Variants in COL13A1 observed in about 807,000 individuals in gnomAD.
COL13A1 encodes the protein collagen alpha-1(XIII) chain.
COL13A1 carries 89 observed loss-of-function variants against 130.9 expected under a neutral mutation model. That is an observed-to-expected ratio of 0.68 (90% CI 0.57 to 0.81). The LOEUF (loss-of-function observed/expected upper bound fraction) is 0.81. Ranked by LOEUF, COL13A1 falls within the 30% of genes least tolerant of loss-of-function variation. The probability of loss-of-function intolerance (pLI) is 0.00; values close to 1 mark genes in which losing one functional copy is unlikely to be tolerated. For missense variants in COL13A1, 879 were observed against 934.6 expected (o/e 0.94, Z 0.78); for synonymous variants, 402 against 341.6 (o/e 1.18, Z -1.95).
Position 69,888,783 on chromosome 10 carries a change from G to A in COL13A1, c.576+453G>A, listed in dbSNP as rs143735243. Among the ~76,000 whole-genome samples, 6 of 152,318 alleles carry A rather than the reference G, an allele frequency of 3.9e-5. No individual in the cohort carries two copies. In the East Asian group the frequency reaches 7.7e-4, roughly 20 times the overall value. On this transcript the variant is annotated intron_variant, in intron 9 of 40. Transcript: ENST00000645393. Reference sequence around the variant, plus strand: ...ACCCCACACGTGTGCTCAAGTCCACGTGGAGACTGCTTCCCACCATAGCTC... The same window carrying A: ...ACCCCACACGTGTGCTCAAGTCCACATGGAGACTGCTTCCCACCATAGCTC...
chr10:69,895,011 G>A (rs374077870), intron 12 of COL13A1, among the ~76,000 whole-genome samples: 14 of 152,164 alleles, frequency 9.2e-5, no homozygotes, highest in African/African-American at 3.4e-4. Context: ...ACACCTCCAT[G>A]AGCCTCTGGG....
intron 35 of COL13A1, among the ~76,000 whole-genome samples, chr10:69,941,369 C>A (rs958617717): frequency 5.3e-5 from 8 of 152,202 alleles, no homozygotes; most frequent in African/African-American, 1.9e-4. Flanking sequence ...GGCCTCTCCC[C>A]ACCAAACACA....
rs140136651 is a variant in COL13A1, at chr10:69,957,618, T to C, written c.2184+576T>C. On this transcript the variant is annotated intron_variant, in intron 40 of 40. Coordinates refer to ENST00000645393, the MANE Select transcript of COL13A1 (RefSeq NM_001368882.1). ...TCATTGATTCACACTGGCCTTGGCA[T>C]TTGCCATTGTTAGAGCAGTCTGACA... 2.4e-3 allele frequency among the ~76,000 whole-genome samples: 365 copies of C among 152,326 alleles called. 2 individuals are homozygous for C. Among genetic ancestry groups the C allele is most frequent in the African/African-American group, 8.4e-3 (351 of 41,564 alleles).
chr10:69,827,152 C>T (rs1262150183), intron 2 of COL13A1, among the ~76,000 whole-genome samples: 1 of 152,106 alleles, frequency 6.6e-6, no homozygotes, highest in African/African-American at 2.4e-5. Flanking sequence ...GACAAAAACT[C>T]GGAGGAGCAA....
chr10:69,802,916 C>T (rs986147324), intron 1 of COL13A1, among the ~76,000 whole-genome samples, 199 bp downstream of exon 1: 2 of 152,230 alleles, frequency 1.3e-5, no homozygotes, highest in African/African-American at 2.4e-5. Flanking sequence ...AAGAGCATGA[C>T]CCAGCGACTC....
At chr10:69,956,974 TGA>T in intron 39 of COL13A1, 28 bp from the exon 40 acceptor site, 2 of 1,606,238 alleles carry the variant, frequency 1.2e-6, no homozygotes, top group Non-Finnish European at 1.7e-6. Flanking sequence ...GCAGGAAGTC[TGA>T]GCCCTCTGCC....
At chr10:69,827,837 C>T (rs1473012359) in intron 2 of COL13A1, among the ~76,000 whole-genome samples, 1 of 152,296 alleles carries the variant, frequency 6.6e-6, no homozygotes, top group Non-Finnish European at 1.5e-5. Flanking sequence ...TGGGCAGGAC[C>T]TGTAGCCAGA....
At chr10:69,802,747 C>G (rs1840369411) in intron 1 of COL13A1, 30 bp downstream of exon 1, 2 of 1,606,186 alleles carry the variant, frequency 1.2e-6, no homozygotes, top group African/African-American at 2.7e-5. Flanking sequence ...GGCTTTTATC[C>G]CTCCCCGCGG....
At chr10:69,838,969 C>A (rs1054997072) in intron 2 of COL13A1, among the ~76,000 whole-genome samples, 1 of 152,268 alleles carries the variant, frequency 6.6e-6, no homozygotes, top group African/African-American at 2.4e-5. Context: ...TTGCTACACA[C>A]GTGCCAGTTG....
At chr10:69,826,878 G>C (rs913617882) in intron 2 of COL13A1, among the ~76,000 whole-genome samples, 1 of 152,096 alleles carries the variant, frequency 6.6e-6, no homozygotes, top group Non-Finnish European at 1.5e-5. Context: ...ACACAAAAGG[G>C]GAATGGGACA....
intron 6 of COL13A1, 31 bp from the exon 7 acceptor site, chr10:69,880,472 G>C: frequency 1.5e-6 from 2 of 1,345,954 alleles, no homozygotes; most frequent in Non-Finnish European, 2.1e-6. Context: ...CCTGCCCCTC[G>C]CTCCCTCTCC....
At chr10:69,919,139 C>A in intron 20 of COL13A1, 51 bp downstream of exon 20, 1 of 1,611,380 alleles carries the variant, frequency 6.2e-7, no homozygotes, top group Admixed American at 1.7e-5. Context: ...CGGTCATGGG[C>A]AGAGGTGGGA....
intron 1 of COL13A1, among the ~76,000 whole-genome samples, chr10:69,806,165 G>C (rs1331412947): frequency 6.6e-6 from 1 of 152,214 alleles, no homozygotes; most frequent in Non-Finnish European, 1.5e-5. Flanking sequence ...GGGCCCTTAG[G>C]GATCTGGGGC....
Position 69,902,786 on chromosome 10 carries a change from GC to G in COL13A1, c.794del (p.Pro265GlnfsTer68), listed in dbSNP as rs1335589943. 1.3e-6 allele frequency: 2 copies of G among 1,554,000 alleles called. No homozygotes were observed. The highest frequency in any genetic ancestry group is 1.7e-6 in the Non-Finnish European group (2 of 1,148,552). ...SQASIQGPPG[P>X]PGPPGPSGPL... The stretch of plus-strand genomic sequence containing the variant: ...AGGCCAGCATCCAAGGTCCACCAGG[GC>G]CCCCAGGCCCCCCTGGACCAAGTGG... On this transcript the variant is annotated frameshift_variant, in exon 15 of 41. Transcript: ENST00000645393. LOFTEE classifies it high-confidence loss of function.
intron 2 of COL13A1, among the ~76,000 whole-genome samples, chr10:69,834,712 CG>C (rs1849608307): frequency 6.6e-6 from 1 of 152,106 alleles, no homozygotes; most frequent in Non-Finnish European, 1.5e-5. Flanking sequence ...CTTTGCCCTC[CG>C]GACAAGGCAG....
Position 69,805,025 on chromosome 10 carries a change from G to A in COL13A1, c.294+2308G>A, listed in dbSNP as rs139775482. ...GAAGCCTTGTTCTAAGGGGACAAAC[G>A]GAACAGCCTTTGAGGCTGGGGGCCA... On this transcript the variant is annotated intron_variant, in intron 1 of 40. Transcript: ENST00000645393. 3.0e-4 allele frequency among the ~76,000 whole-genome samples: 46 copies of A among 152,208 alleles called. No homozygotes were observed. The East Asian group carries it at 8.3e-3, about 27-fold the overall frequency.
At chr10:69,857,187 T>C (rs1051175511) in intron 2 of COL13A1, among the ~76,000 whole-genome samples, 2 of 152,210 alleles carry the variant, frequency 1.3e-5, no homozygotes, top group Non-Finnish European at 2.9e-5. Flanking sequence ...GACTTACGAT[T>C]CTGACCCCAA....
At chr10:69,920,666 C>T (rs987913379) in intron 21 of COL13A1, among the ~76,000 whole-genome samples, 1 of 152,242 alleles carries the variant, frequency 6.6e-6, no homozygotes, top group African/African-American at 2.4e-5. Flanking sequence ...AGGAAGAGGG[C>T]TCTCACCAGA....
intron 17 of COL13A1, among the ~76,000 whole-genome samples, chr10:69,911,852 A>C (rs1363917340): frequency 6.6e-6 from 1 of 152,236 alleles, no homozygotes; most frequent in Admixed American, 6.5e-5. Flanking sequence ...ACTCCCAATA[A>C]AGCCTGGAGG....
Sources: gnomAD v4.1 joint callset for allele counts (sites outside exome capture counted in the v4.1 genomes callset) on GRCh38, gnomAD v4.1.1 for gene constraint, MANE v1.5 for transcripts, NCBI Gene and HGNC (gene_info 2026-07-23, HGNC 2026-07-21) for gene names.